The following PTGIS variants were observed in gnomAD, a reference collection of about 807,000 sequenced individuals.
The protein encoded by PTGIS is prostaglandin I2 synthase, also known as prostacyclin synthase.
In PTGIS, 45 loss-of-function variants were observed where a neutral mutation model predicts 50.3. The observed-to-expected ratio is 0.90, with a 90% confidence interval of 0.70 to 1.15. PTGIS has a LOEUF of 1.15. Among genes scored for constraint, PTGIS ranks in the 50% most tolerant of loss-of-function variants. The pLI is 0.00. For missense variants in PTGIS, 668 were observed against 661.3 expected (o/e 1.01, Z -0.11); for synonymous variants, 260 against 267.7 (o/e 0.97, Z 0.28).
Position 49,513,131 on chromosome 20 carries a change from G to A in PTGIS, c.1155C>T (p.Leu385=), listed in dbSNP as rs1212965930. ...FNLRRGDRLL[L]FPFLSPQRDP... ...CTCTCTGGGGGCTCAGGAAGGGGAA[G>A]AGGAGGAGGCGGTCACCACGTCGCA... The change falls in exon 8 of 10, where the codon CTC becomes CTT. Residue 385 remains leucine (L), a synonymous_variant. Coordinates refer to ENST00000244043, the MANE Select transcript of PTGIS (RefSeq NM_000961.4). The A allele has an allele frequency of 2.5e-6, 4 of 1,614,038 alleles. No homozygotes were observed. Among genetic ancestry groups the A allele is most frequent in the African/African-American group, 2.7e-5 (2 of 74,926 alleles).
Position 49,524,167 on chromosome 20 carries a change from C to T in PTGIS, c.746G>A (p.Arg249Gln), listed in dbSNP as rs45571835. The part of the protein sequence containing the change: ...KLLSPARLAR[R>Q]AHRSKWLESY... ...CTCCAGCCATTTGCTCCGGTGGGCC[C>T]GCCTGGCCAGCCTGGCTGGGGATAG... Residue 249 changes from arginine to glutamine, a missense_variant, in exon 6 of 10, where the codon CGG becomes CAG. Physicochemically the swap from Arg to Gln is conservative, Grantham distance 43. Transcript: ENST00000244043. The T allele has an allele frequency of 5.8e-5, 93 of 1,614,238 alleles. 1 individual carries two copies. The highest frequency in any genetic ancestry group is 4.1e-4 in the South Asian group (37 of 91,084).
chr20:49,562,636 T>G (rs1982805306), intron 1 of PTGIS, among the ~76,000 whole-genome samples: 1 of 152,126 alleles, frequency 6.6e-6, no homozygotes, highest in Admixed American at 6.5e-5. Context: ...GACCTTTCCA[T>G]CCCCGGCTCC....
chr20:49,545,279 A>T (rs749538542), intron 3 of PTGIS, among the ~76,000 whole-genome samples: 2 of 151,974 alleles, frequency 1.3e-5, no homozygotes, highest in Admixed American at 6.6e-5. Flanking sequence ...CACTAGCCAG[A>T]TGTGTAGTAG....
chr20:49,560,769 C>T (rs1601206070), intron 1 of PTGIS, among the ~76,000 whole-genome samples: 1 of 152,106 alleles, frequency 6.6e-6, no homozygotes, highest in African/African-American at 2.4e-5. Context: ...CAGCAGGAGC[C>T]AGCGTGGCTG....
chr20:49,515,697 G>C (rs915373323), intron 6 of PTGIS, among the ~76,000 whole-genome samples: 1 of 152,158 alleles, frequency 6.6e-6, no homozygotes, highest in African/African-American at 2.4e-5. Flanking sequence ...TGAGATCAAT[G>C]AAGATCCATC....
chr20:49,536,730 G>C (rs1417700237), intron 5 of PTGIS, among the ~76,000 whole-genome samples: 2 of 152,002 alleles, frequency 1.3e-5, no homozygotes, highest in Admixed American at 6.6e-5. Context: ...TGATCCACCC[G>C]TCACGGCCTC....
rs931965951 is a variant in PTGIS at position 49,551,763 on chromosome 20, TGTGTGTATGC to T, written c.75-1584_75-1575del. Among the ~76,000 whole-genome samples the T allele has an allele frequency of 3.2e-4, 49 of 151,678 alleles. 1 individual carries two copies. The highest frequency in any genetic ancestry group is 6.2e-4 in the Non-Finnish European group (42 of 67,994). The stretch of plus-strand genomic sequence containing the variant: ...TTATGTATGTGTGTGTGTTTATGTG[TGTGTGTATGC>T]GTGTGTATGTGTGTGTATGCATGTG... On this transcript the variant is annotated intron_variant, in intron 1 of 9. Coordinates refer to ENST00000244043, the MANE Select transcript of PTGIS (RefSeq NM_000961.4).
intron 5 of PTGIS, among the ~76,000 whole-genome samples, chr20:49,531,852 A>G (rs1981943407): frequency 6.6e-6 from 1 of 152,146 alleles, no homozygotes; most frequent in Admixed American, 6.5e-5. Flanking sequence ...GCTGGCCTCA[A>G]ACTCCTGAAC....
chr20:49,511,990 T>C (rs1157235241), intron 8 of PTGIS, among the ~76,000 whole-genome samples: 1 of 151,734 alleles, frequency 6.6e-6, no homozygotes, highest in Non-Finnish European at 1.5e-5. Context: ...GATAGATGGA[T>C]GGATGGGTGG....
At chr20:49,544,146 G>A (rs1261529015) in intron 4 of PTGIS, among the ~76,000 whole-genome samples, 159 bp downstream of exon 4, 1 of 152,156 alleles carries the variant, frequency 6.6e-6, no homozygotes, top group East Asian at 1.9e-4. Context: ...AACAGCCGGG[G>A]CCCTGGTGCA....
intron 6 of PTGIS, among the ~76,000 whole-genome samples, chr20:49,521,100 A>G (rs1261936708): frequency 6.6e-6 from 1 of 152,194 alleles, no homozygotes; most frequent in African/African-American, 2.4e-5. Flanking sequence ...ATATTTGTTG[A>G]AGATGTTTCT....
At chr20:49,549,753 T>C (rs1251784557) in intron 2 of PTGIS, among the ~76,000 whole-genome samples, 1 of 152,082 alleles carries the variant, frequency 6.6e-6, no homozygotes, top group Non-Finnish European at 1.5e-5. Flanking sequence ...AAGATGGATG[T>C]TGAACGGATG....
chr20:49,536,253 G>A (rs539238252), intron 5 of PTGIS, among the ~76,000 whole-genome samples: 3 of 152,146 alleles, frequency 2.0e-5, no homozygotes, highest in African/African-American at 7.2e-5. Flanking sequence ...TATACAACCT[G>A]TAACTCTGAA....
intron 1 of PTGIS, among the ~76,000 whole-genome samples, chr20:49,551,806 T>TGTG (rs1982516137): frequency 1.4e-5 from 2 of 142,578 alleles, no homozygotes; most frequent in South Asian, 2.3e-4. Context: ...GTGTATGTGT[T>TGTG]TGTGTGTGTG....
chr20:49,532,737 G>T (rs991806807), intron 5 of PTGIS, among the ~76,000 whole-genome samples: 2 of 152,176 alleles, frequency 1.3e-5, no homozygotes, highest in South Asian at 2.1e-4. Flanking sequence ...AAGACAGAGA[G>T]CATTGAAATC....
chr20:49,536,773 G>C (rs758673914), intron 5 of PTGIS, among the ~76,000 whole-genome samples: 206 of 151,934 alleles, frequency 1.4e-3, no homozygotes, highest in Non-Finnish European at 2.7e-3. Context: ...ATGAGCCTCC[G>C]CGCCCGGCCA....
Position 49,547,924 on chromosome 20 carries a change from G to T in PTGIS, c.294C>A (p.Ala98=), listed in dbSNP as rs1207290091. 8 of 1,614,052 alleles carry T rather than the reference G, an allele frequency of 5.0e-6. No homozygotes were observed. Among genetic ancestry groups the T allele is most frequent in the Non-Finnish European group, 6.8e-6 (8 of 1,180,026 alleles). The stretch of plus-strand genomic sequence containing the variant: ...TCCTCTCCATGAGGAAGATGGCATA[G>T]GCATGGAAGTCGAGCCTGGTGCGAG... ...WEPRTRLDFH[A]YAIFLMERIF... The change falls in exon 3 of 10, where the codon GCC becomes GCA. Residue 98 remains alanine, a synonymous_variant. Coordinates refer to ENST00000244043, the MANE Select transcript of PTGIS (RefSeq NM_000961.4).
intron 1 of PTGIS, among the ~76,000 whole-genome samples, chr20:49,551,806 TTGTG>T (rs58517059): frequency 0.08 from 11,432 of 142,554 alleles, 426 homozygotes; most frequent in East Asian, 0.14. Flanking sequence ...GTGTATGTGT[TTGTG>T]TGTGTGTGTG....
chr20:49,520,277 C>A (rs543529536), intron 6 of PTGIS, among the ~76,000 whole-genome samples: 6 of 152,292 alleles, frequency 3.9e-5, no homozygotes, highest in Admixed American at 2.6e-4. Flanking sequence ...TTCAGTGAGG[C>A]CTTCCTGGGC....
Sources: allele counts gnomAD v4.1 joint callset (sites outside exome capture counted in the v4.1 genomes callset), GRCh38; gene constraint gnomAD v4.1.1; transcripts MANE v1.5; gene names NCBI Gene and HGNC (gene_info 2026-07-23, HGNC 2026-07-21).